The following JARID2 variants were observed in gnomAD, a reference collection of about 807,000 sequenced individuals.
The protein encoded by JARID2 is jumonji and AT-rich interaction domain containing 2, also known as protein Jumonji.
JARID2 carries 21 observed loss-of-function variants against 125.6 expected under a neutral mutation model. That is an observed-to-expected ratio of 0.17 (90% CI 0.12 to 0.24). The LOEUF is 0.24. Among genes scored for constraint, JARID2 ranks in the 10% least tolerant of loss-of-function variants. JARID2 has a pLI of 1.00. For missense variants in JARID2, 1,303 were observed against 1,639.6 expected, an observed-to-expected ratio of 0.79 and a Z score of 3.55; for synonymous variants, 736 against 661.6, an observed-to-expected ratio of 1.11 and a Z score of -1.73.
chr6:15,246,255 T>G lies in JARID2; in HGVS notation c.-285T>G. 2.7e-5 allele frequency: 13 copies of G among 475,444 alleles called. No homozygotes were observed. Among genetic ancestry groups the G allele is most frequent in the East Asian group, 6.9e-5 (2 of 29,006 alleles). 29.5% of individuals were successfully genotyped at this position (475,444 alleles called of 1,614,324 possible). Reference sequence around the variant, plus strand: ...TGAAGGGCGTCGGTTTTTTTTTGTGTGTGTGTGTATGTGTTTCGGGGGAAA... The same window carrying G: ...TGAAGGGCGTCGGTTTTTTTTTGTGGGTGTGTGTATGTGTTTCGGGGGAAA... On this transcript the variant is annotated 5_prime_UTR_variant, in exon 1 of 18. Coordinates refer to ENST00000341776, the MANE Select transcript of JARID2 (RefSeq NM_004973.4).
chr6:15,507,508 G>T, intron 11 of JARID2, 92 bp downstream of exon 11: 1 of 1,034,954 alleles, frequency 9.7e-7, no homozygotes, highest in Non-Finnish European at 1.5e-6. Context: ...TCTAAGCACT[G>T]CCGGGGAGGG....
chr6:15,295,242 C>T (rs1761369115), intron 1 of JARID2, among the ~76,000 whole-genome samples: 2 of 151,916 alleles, frequency 1.3e-5, no homozygotes. Flanking sequence ...CTGCCTCAGC[C>T]TCCCAAGTAG....
At chr6:15,424,999 G>A (rs35434217) in intron 3 of JARID2, among the ~76,000 whole-genome samples, 23,162 of 152,074 alleles carry the variant, frequency 0.15, 1,892 homozygotes, top group Middle Eastern at 0.24. Context: ...ATTAAGATAC[G>A]TTATTTTATT....
chr6:15,410,153 G>T, intron 2 of JARID2, 71 bp from the exon 3 acceptor site: 1 of 1,399,872 alleles, frequency 7.1e-7, no homozygotes, highest in Non-Finnish European at 1.0e-6. Context: ...CGTTGTGTAG[G>T]GTTAACTGTG....
intron 3 of JARID2, among the ~76,000 whole-genome samples, chr6:15,427,758 TACGTGA>T (rs1307822602): frequency 6.6e-6 from 1 of 152,122 alleles, no homozygotes; most frequent in Non-Finnish European, 1.5e-5. Context: ...CCTGGCATCT[TACGTGA>T]AAGGCACTAG....
intron 3 of JARID2, among the ~76,000 whole-genome samples, chr6:15,449,820 G>C (rs73365251): frequency 6.6e-6 from 1 of 152,020 alleles, no homozygotes; most frequent in African/African-American, 2.4e-5. Context: ...ATTATTAGAC[G>C]GTGGTGTTTT....
At chr6:15,488,636 T>G (rs553164115) in intron 6 of JARID2, among the ~76,000 whole-genome samples, 1 of 152,188 alleles carries the variant, frequency 6.6e-6, no homozygotes, top group African/African-American at 2.4e-5. Context: ...TTCTCATTCT[T>G]GGTGACGTTG....
At chr6:15,327,858 T>C (rs1256316294) in intron 1 of JARID2, among the ~76,000 whole-genome samples, 1 of 152,184 alleles carries the variant, frequency 6.6e-6, no homozygotes, top group Non-Finnish European at 1.5e-5. Context: ...TGTTATGTCT[T>C]TTGTGAAGCG....
intron 2 of JARID2, among the ~76,000 whole-genome samples, chr6:15,380,414 A>C (rs1222978467): frequency 1.3e-5 from 2 of 152,166 alleles, no homozygotes; most frequent in African/African-American, 4.8e-5. Context: ...TCTGGGCTTT[A>C]TTTATGATTT....
At chr6:15,249,277 T>C (rs1273340939) in intron 1 of JARID2, among the ~76,000 whole-genome samples, 2 of 152,184 alleles carry the variant, frequency 1.3e-5, no homozygotes, top group African/African-American at 2.4e-5. Flanking sequence ...ATGCCTTTCA[T>C]GATGATGCTG....
At chr6:15,454,177 C>T (rs973664297) in intron 4 of JARID2, among the ~76,000 whole-genome samples, 1 of 152,172 alleles carries the variant, frequency 6.6e-6, no homozygotes, top group African/African-American at 2.4e-5. Flanking sequence ...CCCATCTCTG[C>T]TTCTCTGCTG....
At chr6:15,258,555 G>A (rs1317773289) in intron 1 of JARID2, among the ~76,000 whole-genome samples, 2 of 152,122 alleles carry the variant, frequency 1.3e-5, no homozygotes, top group African/African-American at 4.8e-5. Context: ...AGGCCAAGGC[G>A]GGCGGATCAC....
chr6:15,382,344 TC>T (rs1461378696), intron 2 of JARID2, among the ~76,000 whole-genome samples: 1 of 152,136 alleles, frequency 6.6e-6, no homozygotes, highest in East Asian at 1.9e-4. Flanking sequence ...AGAGACCCAG[TC>T]CTAAGATACA....
chr6:15,263,679 G>A (rs1324441148), intron 1 of JARID2, among the ~76,000 whole-genome samples: 3 of 148,044 alleles, frequency 2.0e-5, no homozygotes, highest in East Asian at 2.0e-4. Context: ...TGCAACCTCC[G>A]CCTTCCGGAT....
intron 9 of JARID2, among the ~76,000 whole-genome samples, chr6:15,505,501 C>G (rs544609180): frequency 3.7e-4 from 56 of 152,344 alleles, no homozygotes; most frequent in African/African-American, 1.3e-3. Context: ...CAAACCAGGA[C>G]AGCTGGTCAC....
intron 3 of JARID2, among the ~76,000 whole-genome samples, chr6:15,410,700 A>G (rs1242388827): frequency 2.0e-5 from 3 of 152,200 alleles, no homozygotes; most frequent in Non-Finnish European, 4.4e-5. Context: ...ATATTAGGTG[A>G]TGTTTTGCCA....
intron 1 of JARID2, among the ~76,000 whole-genome samples, chr6:15,292,620 T>A (rs1235346499): frequency 1.3e-5 from 2 of 152,182 alleles, no homozygotes. Flanking sequence ...ATATTAAAAA[T>A]GGAACCAGAG....
chr6:15,473,772 G>A (rs1769208558), intron 5 of JARID2, among the ~76,000 whole-genome samples: 1 of 152,184 alleles, frequency 6.6e-6, no homozygotes, highest in Non-Finnish European at 1.5e-5. Context: ...TCCTGCTGTT[G>A]CCACATGGCT....
intron 1 of JARID2, among the ~76,000 whole-genome samples, chr6:15,330,253 G>A (rs954296733): frequency 2.0e-5 from 3 of 152,164 alleles, no homozygotes; most frequent in East Asian, 1.9e-4. Flanking sequence ...AATTGGAATC[G>A]TGCTTGTTTT....
Sources: allele counts gnomAD v4.1 joint callset (sites outside exome capture counted in the v4.1 genomes callset), GRCh38; gene constraint gnomAD v4.1.1; transcripts MANE v1.5; gene names NCBI Gene and HGNC (gene_info 2026-07-23, HGNC 2026-07-21).